The following PDE3B variants were observed in gnomAD, a reference collection of about 807,000 sequenced individuals.
PDE3B encodes cGMP-inhibited 3',5'-cyclic phosphodiesterase 3B.
PDE3B carries 66 observed loss-of-function variants against 116.8 expected under a neutral mutation model. The ratio of observed to expected loss-of-function variants is 0.56; its 90% confidence interval spans 0.46 to 0.69. The LOEUF (loss-of-function observed/expected upper bound fraction) is 0.69. Ranked by LOEUF, PDE3B falls within the 30% of genes least tolerant of loss-of-function variation. PDE3B has a pLI of 0.00. For synonymous variants in PDE3B, 595 were observed against 533.6 expected (o/e 1.12, Z -1.59); for missense variants, 1,384 against 1,368.1 (o/e 1.01, Z -0.18).
chr11:14,861,172 A>G (rs782155996), intron 13 of PDE3B, 33 bp from the exon 14 acceptor site: 1 of 1,562,182 alleles, frequency 6.4e-7, no homozygotes, highest in East Asian at 2.3e-5. Context: ...AAATGCCTTC[A>G]GAACCTAAAA....
At chr11:14,815,458 ATTCTTGATGGCTCTGGG>A (rs1859294205) in intron 5 of PDE3B, among the ~76,000 whole-genome samples, 1 of 152,058 alleles carries the variant, frequency 6.6e-6, no homozygotes, top group Non-Finnish European at 1.5e-5. Context: ...TTGGTTGTGG[ATTCTTGATGGCTCTGGG>A]TTCTTGATGG....
chr11:14,684,028 A>G (rs1854789954), intron 1 of PDE3B, among the ~76,000 whole-genome samples: 2 of 152,168 alleles, frequency 1.3e-5, no homozygotes, highest in Admixed American at 6.5e-5. Flanking sequence ...CAGAGAACAT[A>G]CTTTGTATGA....
intron 5 of PDE3B, among the ~76,000 whole-genome samples, chr11:14,813,015 G>T (rs577440901): frequency 1.3e-5 from 2 of 152,262 alleles, no homozygotes; most frequent in East Asian, 3.9e-4. Context: ...GAAGATGGCC[G>T]TCAGTGAACC....
rs1252056365 is a variant in PDE3B, at chr11:14,831,771, C to T, written c.2088C>T (p.Leu696=). ...EKMGEKSGRI[L]SQVMYTLFQD... ...TGGGAGAGAAATCAGGAAGGATTCTCAGTCAGGTTTGCTTTCAAATATCTA... is the reference window on the plus strand; with the variant it reads ...TGGGAGAGAAATCAGGAAGGATTCTTAGTCAGGTTTGCTTTCAAATATCTA... Residue 696 remains leucine, a synonymous_variant, in exon 9 of 16, where the codon CTC becomes CTT. Transcript: ENST00000282096. 1.3e-6 allele frequency: 2 copies of T among 1,599,892 alleles called. No homozygotes were observed. Among genetic ancestry groups the T allele is most frequent in the East Asian group, 2.3e-5 (1 of 44,294 alleles).
At chr11:14,780,090 G>A (rs1857936151) in intron 2 of PDE3B, among the ~76,000 whole-genome samples, 1 of 151,896 alleles carries the variant, frequency 6.6e-6, no homozygotes. Flanking sequence ...AATGGTAAAG[G>A]GATCAATTCA....
At chr11:14,835,647 TA>T (rs1301606999) in intron 11 of PDE3B, among the ~76,000 whole-genome samples, 21 of 152,168 alleles carry the variant, frequency 1.4e-4, no homozygotes, top group Non-Finnish European at 1.0e-4. Flanking sequence ...TCATAACATT[TA>T]TAGTTCTCTT....
intron 1 of PDE3B, among the ~76,000 whole-genome samples, chr11:14,667,332 C>T (rs1478754651): frequency 1.3e-5 from 2 of 150,632 alleles, no homozygotes; most frequent in African/African-American, 4.9e-5. Context: ...ACACCTAATG[C>T]TAAATGACGA....
At chr11:14,715,057 C>A (rs1855836024) in intron 1 of PDE3B, among the ~76,000 whole-genome samples, 1 of 151,630 alleles carries the variant, frequency 6.6e-6, no homozygotes, top group Admixed American at 6.6e-5. Context: ...CTGCCTCATT[C>A]CAAATAAAGA....
At chr11:14,794,197 A>G (rs968071764) in intron 4 of PDE3B, among the ~76,000 whole-genome samples, 1 of 152,208 alleles carries the variant, frequency 6.6e-6, no homozygotes, top group Non-Finnish European at 1.5e-5. Flanking sequence ...CACATTTCTG[A>G]TACCAGATGT....
At chr11:14,889,700 A>G in the PDE3B span, among the ~76,000 whole-genome samples, 1 of 152,234 alleles carries the variant, frequency 6.6e-6, no homozygotes, top group African/African-American at 2.4e-5. Flanking sequence ...ATTCATAGTA[A>G]TACCGAGTGT....
intron 1 of PDE3B, among the ~76,000 whole-genome samples, chr11:14,650,233 A>G (rs1590029746): frequency 7.1e-6 from 1 of 141,288 alleles, no homozygotes. Flanking sequence ...ACAGGGTCTC[A>G]CTCTGTTGCC....
chr11:14,825,322 T>C (rs1485820829), intron 7 of PDE3B, among the ~76,000 whole-genome samples: 1 of 152,226 alleles, frequency 6.6e-6, no homozygotes, highest in South Asian at 2.1e-4. Flanking sequence ...AAATGCCCCA[T>C]TTAAAAGGCA....
intron 1 of PDE3B, among the ~76,000 whole-genome samples, chr11:14,766,218 G>T (rs1394890835): frequency 6.6e-6 from 1 of 151,800 alleles, no homozygotes; most frequent in Admixed American, 6.6e-5. Flanking sequence ...GCTGCTTGTT[G>T]TAGGTTCATT....
intron 1 of PDE3B, among the ~76,000 whole-genome samples, chr11:14,746,286 C>T (rs901298710): frequency 4.6e-5 from 7 of 152,030 alleles, no homozygotes; most frequent in East Asian, 1.9e-4. Flanking sequence ...TCCAGCTACT[C>T]GGGAGGCTGA....
intron 10 of PDE3B, among the ~76,000 whole-genome samples, chr11:14,834,036 T>C (rs1160857182): frequency 2.0e-5 from 3 of 152,146 alleles, no homozygotes; most frequent in Non-Finnish European, 4.4e-5. Context: ...ACCTACTCCA[T>C]AGGTAGTACT....
chr11:14,674,461 T>G, intron 1 of PDE3B: 1 of 593,430 alleles, frequency 1.7e-6, no homozygotes, highest in Non-Finnish European at 3.3e-6. Flanking sequence ...AATGGCAACC[T>G]TTACACACTT....
intron 1 of PDE3B, among the ~76,000 whole-genome samples, chr11:14,737,371 T>A (rs1198393993): frequency 6.6e-6 from 1 of 152,178 alleles, no homozygotes; most frequent in African/African-American, 2.4e-5. Flanking sequence ...GCTAATTTTT[T>A]GTGTTTTTAG....
chr11:14,885,765 A>C, the PDE3B span: 1 of 1,611,630 alleles, frequency 6.2e-7, no homozygotes, highest in East Asian at 2.2e-5. Flanking sequence ...AATAGGTGCA[A>C]ATAAACATAC....
chr11:14,712,339 G>C (rs1200240301), intron 1 of PDE3B, among the ~76,000 whole-genome samples: 1 of 152,032 alleles, frequency 6.6e-6, no homozygotes, highest in Non-Finnish European at 1.5e-5. Context: ...CTTGTCTTGG[G>C]CTCCCAAAGC....
Sources: allele counts gnomAD v4.1 joint callset (sites outside exome capture counted in the v4.1 genomes callset), GRCh38; gene constraint gnomAD v4.1.1; transcripts MANE v1.5; gene names NCBI Gene and HGNC (gene_info 2026-07-23, HGNC 2026-07-21).